ADAMTS17: variants seen among roughly 807,000 people sequenced by gnomAD.
ADAMTS17 encodes the protein A disintegrin and metalloproteinase with thrombospondin motifs 17.
A neutral mutation model predicts 141.5 loss-of-function variants in ADAMTS17; 113 were observed. The ratio of observed to expected loss-of-function variants is 0.80; its 90% CI spans 0.69 to 0.93. ADAMTS17 has a LOEUF of 0.93. Ranked by LOEUF, ADAMTS17 falls within the 40% of genes least tolerant of loss-of-function variation. The pLI is 0.00. For missense variants in ADAMTS17, 1,659 were observed against 1,517.9 expected (o/e 1.09, Z -1.54); for synonymous variants, 768 against 630.6 (o/e 1.22, Z -3.27).
At chr15:99,989,340 A>G (rs1046282018) in intron 20 of ADAMTS17, among the ~76,000 whole-genome samples, 3 of 152,024 alleles carry the variant, frequency 2.0e-5, no homozygotes, top group African/African-American at 7.2e-5. Flanking sequence ...TCTTGCCTCC[A>G]CTCCTGCCCC....
At chr15:100,260,088 G>A (rs1021237305) in intron 6 of ADAMTS17, among the ~76,000 whole-genome samples, 20 of 151,770 alleles carry the variant, frequency 1.3e-4, no homozygotes, top group African/African-American at 3.6e-4. Flanking sequence ...CAGGTGATCC[G>A]CCCGCCTCAG....
chr15:100,055,523 T>C (rs2032493303), intron 15 of ADAMTS17, among the ~76,000 whole-genome samples: 2 of 152,098 alleles, frequency 1.3e-5, no homozygotes, highest in Admixed American at 6.6e-5. Flanking sequence ...TCCTCGCTTC[T>C]AGGAACTTTC....
chr15:100,088,172 A>G (rs2140979057), intron 15 of ADAMTS17, among the ~76,000 whole-genome samples: 1 of 152,334 alleles, frequency 6.6e-6, no homozygotes, highest in Non-Finnish European at 1.5e-5. Flanking sequence ...TACAAAAATC[A>G]CAAGCATTCT....
chr15:100,183,152 C>T (rs2040584657), intron 8 of ADAMTS17, among the ~76,000 whole-genome samples: 1 of 152,086 alleles, frequency 6.6e-6, no homozygotes, highest in African/African-American at 2.4e-5. Context: ...CAAAACCTGA[C>T]TAAGTTTTGT....
chr15:100,304,492 G>A (rs146873973), intron 3 of ADAMTS17, among the ~76,000 whole-genome samples: 2 of 152,168 alleles, frequency 1.3e-5, no homozygotes, highest in Admixed American at 6.5e-5. Flanking sequence ...CAAACTTCCC[G>A]AAGTCTTCAT....
At position 100,116,895 on chromosome 15, in the gene ADAMTS17, G is replaced by A. The variant is rs200745301; in HGVS notation, c.1840C>T (p.Arg614Trp). The change falls in exon 13 of 22, where the codon CGG (arginine) becomes TGG (tryptophan). Residue 614 changes from arginine to tryptophan, a missense_variant. By Grantham distance (101) the Arg-to-Trp change is moderately radical. Transcript: ENST00000268070. ...FRDQQCQAHD[R>W]LSPKKKGLLT... Reference sequence around the variant, plus strand: ...AGGCCTTTCTTCTTGGGGCTCAGCCGGTCGTGTGCCTGGCACTGCTGGTCC... The same window carrying A: ...AGGCCTTTCTTCTTGGGGCTCAGCCAGTCGTGTGCCTGGCACTGCTGGTCC... 7.0e-4 allele frequency: 1,130 copies of A among 1,614,152 alleles called. 18 individuals carry two copies. The South Asian group carries it at 0.011, about 16-fold the overall frequency.
At chr15:100,236,114 G>A (rs2042645470) in intron 7 of ADAMTS17, among the ~76,000 whole-genome samples, 1 of 152,148 alleles carries the variant, frequency 6.6e-6, no homozygotes, top group Non-Finnish European at 1.5e-5. Flanking sequence ...TCAGACGCCA[G>A]AGTCGCACAG....
chr15:100,279,147 C>T (rs75343851), intron 4 of ADAMTS17, among the ~76,000 whole-genome samples: 8,930 of 152,216 alleles, frequency 0.059, 523 homozygotes, highest in East Asian at 0.23. Context: ...CACCGGAGGT[C>T]CCAGCAACAT....
At chr15:100,071,876 A>G (rs2033996532) in intron 15 of ADAMTS17, among the ~76,000 whole-genome samples, 1 of 150,310 alleles carries the variant, frequency 6.7e-6, no homozygotes, top group African/African-American at 2.5e-5. Flanking sequence ...CGCCACTCCT[A>G]TTCAACATAG....
At chr15:100,188,667 G>T (rs538157228) in intron 8 of ADAMTS17, among the ~76,000 whole-genome samples, 3 of 152,302 alleles carry the variant, frequency 2.0e-5, no homozygotes, top group African/African-American at 7.2e-5. Flanking sequence ...CTAGAGTGAG[G>T]TCTCTTTGAC....
intron 6 of ADAMTS17, among the ~76,000 whole-genome samples, chr15:100,257,768 A>G (rs1236341491): frequency 2.6e-5 from 4 of 152,264 alleles, no homozygotes; most frequent in African/African-American, 7.2e-5. Flanking sequence ...ATACATGAAC[A>G]TAAAATTTAC....
intron 20 of ADAMTS17, among the ~76,000 whole-genome samples, chr15:99,977,443 G>A (rs1315082775): frequency 1.9e-5 from 2 of 106,800 alleles, no homozygotes; most frequent in South Asian, 3.5e-4. Context: ...ATGGAGTCTC[G>A]CTTTATCACC....
chr15:100,311,055 C>T (rs554273267), intron 3 of ADAMTS17, among the ~76,000 whole-genome samples: 1 of 152,318 alleles, frequency 6.6e-6, no homozygotes, highest in South Asian at 2.1e-4. Flanking sequence ...AAGGCTAGAC[C>T]TTTTTGCAGA....
chr15:99,975,728 A>G (rs1220328020), intron 21 of ADAMTS17, among the ~76,000 whole-genome samples: 2 of 152,194 alleles, frequency 1.3e-5, no homozygotes, highest in Admixed American at 1.3e-4. Flanking sequence ...ATTTCTAGAA[A>G]GAAGCACTTC....
chr15:100,022,611 C>T (rs759682730), intron 18 of ADAMTS17, among the ~76,000 whole-genome samples: 9 of 152,200 alleles, frequency 5.9e-5, no homozygotes, highest in Middle Eastern at 3.4e-3. Context: ...AATTATGTAA[C>T]GGAGACCTTT....
chr15:100,045,752 T>C (rs991148944), intron 18 of ADAMTS17, among the ~76,000 whole-genome samples: 1 of 152,216 alleles, frequency 6.6e-6, no homozygotes, highest in African/African-American at 2.4e-5. Context: ...ATCAGAGTTT[T>C]AGCTAGTCTC....
chr15:100,313,097 C>T (rs183852740), intron 3 of ADAMTS17, among the ~76,000 whole-genome samples: 2 of 152,272 alleles, frequency 1.3e-5, no homozygotes, highest in Admixed American at 1.3e-4. Context: ...TAAACCTCTA[C>T]AAAACCAATA....
At chr15:100,212,910 T>A (rs949521972) in intron 7 of ADAMTS17, among the ~76,000 whole-genome samples, 3 of 152,124 alleles carry the variant, frequency 2.0e-5, no homozygotes, top group African/African-American at 7.2e-5. Flanking sequence ...GCGTACCTTT[T>A]TGTCAATCAG....
At chr15:100,199,495 G>T in intron 7 of ADAMTS17, 72 bp from the exon 8 acceptor site, 3 of 1,264,678 alleles carry the variant, frequency 2.4e-6, no homozygotes, top group Non-Finnish European at 3.5e-6. Context: ...AAGTCCGCAC[G>T]GTCAACGTCA....
Sources: gnomAD v4.1 joint callset for allele counts (sites outside exome capture counted in the v4.1 genomes callset) on GRCh38, gnomAD v4.1.1 for gene constraint, MANE v1.5 for transcripts, NCBI Gene and HGNC (gene_info 2026-07-23, HGNC 2026-07-21) for gene names.